The following LOC400499 variants were observed in gnomAD, a reference collection of about 807,000 sequenced individuals.
the LOC400499 span, among the ~76,000 whole-genome samples, chr16:11,466,736 G>A: frequency 1.2e-4 from 19 of 152,092 alleles, no homozygotes; most frequent in Non-Finnish European, 1.5e-5. Flanking sequence ...CCATATGGGA[G>A]AGTCAGTTCT....
At chr16:11,380,756 TTG>T in the LOC400499 span, 1 of 152,174 alleles carries the variant, frequency 6.6e-6, no homozygotes, top group Non-Finnish European at 1.5e-5. Context: ...TACCATTCCA[TTG>T]TGACACTGTG....
the LOC400499 span, among the ~76,000 whole-genome samples, chr16:11,473,365 A>T: frequency 6.6e-6 from 1 of 151,538 alleles, no homozygotes; most frequent in South Asian, 2.1e-4. Flanking sequence ...AGAAAAAAAA[A>T]TTTCAAGATC....
At chr16:11,436,672 C>G in the LOC400499 span, among the ~76,000 whole-genome samples, 1 of 152,008 alleles carries the variant, frequency 6.6e-6, no homozygotes, top group African/African-American at 2.4e-5. Flanking sequence ...ACTGCAACCT[C>G]TGTCTCCCAG....
At chr16:11,487,546 C>T in the LOC400499 span, among the ~76,000 whole-genome samples, 1 of 152,022 alleles carries the variant, frequency 6.6e-6, no homozygotes, top group Non-Finnish European at 1.5e-5. Flanking sequence ...TTTTCAAGAA[C>T]AGAGGGAGTC....
At chr16:11,372,626 G>A in the LOC400499 span, 1 of 516,238 alleles carries the variant, frequency 1.9e-6, no homozygotes, top group Admixed American at 6.4e-5. Flanking sequence ...ATTCCATGCT[G>A]GTTATTCTGT....
chr16:11,475,953 CTG>C, the LOC400499 span, among the ~76,000 whole-genome samples: 1 of 151,490 alleles, frequency 6.6e-6, no homozygotes, highest in Non-Finnish European at 1.5e-5. Context: ...TGGCACAGGG[CTG>C]TCTCGGGGAT....
the LOC400499 span, chr16:11,398,527 A>G: frequency 1.1e-5 from 14 of 1,231,792 alleles, no homozygotes; most frequent in South Asian, 4.9e-4. Context: ...GAGAGGGCCT[A>G]TGGGTCAGGG....
chr16:11,434,695 T>C, the LOC400499 span, among the ~76,000 whole-genome samples: 123,140 of 152,172 alleles, frequency 0.81, 49,998 homozygotes, highest in Admixed American at 0.86. Context: ...GCATGCTCAC[T>C]GGCCCTGGCT....
At chr16:11,379,748 G>A in the LOC400499 span, among the ~76,000 whole-genome samples, 2 of 152,130 alleles carry the variant, frequency 1.3e-5, no homozygotes, top group Admixed American at 6.5e-5. Flanking sequence ...CTGTCATTTC[G>A]TCCCTTTGTG....
the LOC400499 span, among the ~76,000 whole-genome samples, chr16:11,378,233 G>A: frequency 6.7e-6 from 1 of 149,520 alleles, no homozygotes; most frequent in Non-Finnish European, 1.5e-5. Flanking sequence ...CACTGTGCCT[G>A]GCTGCTGCTT....
chr16:11,427,769 G>A, the LOC400499 span, among the ~76,000 whole-genome samples: 1 of 152,104 alleles, frequency 6.6e-6, no homozygotes, highest in African/African-American at 2.4e-5. Flanking sequence ...TTCTTTTTAT[G>A]TAAATTTTAT....
chr16:11,408,204 A>G, the LOC400499 span, among the ~76,000 whole-genome samples: 5 of 152,074 alleles, frequency 3.3e-5, no homozygotes, highest in Non-Finnish European at 5.9e-5. Flanking sequence ...GCCAGTCTCG[A>G]ACTCCTGACC....
At chr16:11,477,875 G>A in the LOC400499 span, 3 of 398,902 alleles carry the variant, frequency 7.5e-6, no homozygotes, top group Admixed American at 4.4e-5. Context: ...GAAGTCAGTG[G>A]TTCCTCGGAC....
the LOC400499 span, chr16:11,460,358 A>G: frequency 1.6e-6 from 2 of 1,235,026 alleles, no homozygotes; most frequent in South Asian, 1.8e-5. Context: ...ATCCATTCCC[A>G]TATGGCTATG....
chr16:11,501,341 C>T, the LOC400499 span, among the ~76,000 whole-genome samples: 1 of 152,070 alleles, frequency 6.6e-6, no homozygotes. Flanking sequence ...GAATACTCAG[C>T]ACAACATCAG....
At chr16:11,453,618 G>A in the LOC400499 span, among the ~76,000 whole-genome samples, 1 of 152,102 alleles carries the variant, frequency 6.6e-6, no homozygotes, top group Non-Finnish European at 1.5e-5. Context: ...GCTAGCATAT[G>A]AAGTCGAGGA....
the LOC400499 span, chr16:11,402,278 C>T: frequency 1.5e-5 from 6 of 397,976 alleles, no homozygotes; most frequent in East Asian, 7.1e-5. Context: ...AATGGCCACT[C>T]GGGGGCCACA....
At chr16:11,444,809 C>T in the LOC400499 span, among the ~76,000 whole-genome samples, 51 of 152,150 alleles carry the variant, frequency 3.4e-4, no homozygotes, top group South Asian at 3.5e-3. Flanking sequence ...GGGCCAGGTA[C>T]GGTGGTTCAC....
chr16:11,393,103 C>A, the LOC400499 span, among the ~76,000 whole-genome samples: 1 of 151,962 alleles, frequency 6.6e-6, no homozygotes, highest in African/African-American at 2.4e-5. Context: ...ATCCACCCAC[C>A]TCGGCCTCCC....
Sources: allele counts gnomAD v4.1 joint callset (sites outside exome capture counted in the v4.1 genomes callset), GRCh38; gene constraint gnomAD v4.1.1; transcripts MANE v1.5.